GRIN2D: variants seen among roughly 807,000 people sequenced by gnomAD.
The protein encoded by GRIN2D is glutamate receptor ionotropic, NMDA 2D.
Under a neutral mutation model 103.2 loss-of-function variants are expected in GRIN2D, and 37 were observed. The ratio of observed to expected loss-of-function variants is 0.36; its 90% confidence interval spans 0.28 to 0.47. The LOEUF (loss-of-function observed/expected upper bound fraction) is 0.47. Ranked by LOEUF, GRIN2D falls within the 20% of genes least tolerant of loss-of-function variation. The pLI is 1.00. For missense variants in GRIN2D, 1,557 were observed against 1,910.6 expected (o/e 0.81, Z 3.45); for synonymous variants, 845 against 885.6 (o/e 0.95, Z 0.81).
At chr19:48,441,989 G>A (rs1971299894) in intron 12 of GRIN2D, 33 bp downstream of exon 12, 2 of 1,578,542 alleles carry the variant, frequency 1.3e-6, no homozygotes, top group African/African-American at 2.7e-5. Flanking sequence ...CCACAGCGGA[G>A]AGGGGGAGGG....
At chr19:48,416,613 C>T (rs1970951515) in intron 8 of GRIN2D, among the ~76,000 whole-genome samples, 1 of 152,164 alleles carries the variant, frequency 6.6e-6, no homozygotes, top group Admixed American at 6.6e-5. Context: ...TGAGCATCTA[C>T]TATGTGCCAG....
intron 4 of GRIN2D, among the ~76,000 whole-genome samples, chr19:48,408,119 G>A (rs1000933685): frequency 2.0e-5 from 3 of 152,100 alleles, no homozygotes; most frequent in Non-Finnish European, 4.4e-5. Flanking sequence ...CGGATCACAA[G>A]GTCAGGAGAT....
chr19:48,427,007 AT>A (rs756808936), intron 11 of GRIN2D, among the ~76,000 whole-genome samples: 5 of 152,182 alleles, frequency 3.3e-5, no homozygotes, highest in Non-Finnish European at 7.4e-5. Flanking sequence ...ATGCTTAGCT[AT>A]AACAGATACT....
At chr19:48,412,246 G>A (rs761530432) in intron 4 of GRIN2D, among the ~76,000 whole-genome samples, 7 of 151,028 alleles carry the variant, frequency 4.6e-5, no homozygotes, top group Non-Finnish European at 8.9e-5. Context: ...GGAGAATGGC[G>A]TGAACCTGGG....
intron 4 of GRIN2D, among the ~76,000 whole-genome samples, chr19:48,408,333 CAAAA>C (rs35238683): frequency 1.0e-5 from 1 of 95,648 alleles, no homozygotes; most frequent in Non-Finnish European, 2.2e-5. Context: ...GACTCCATCT[CAAAA>C]AAAAAAAAAA....
intron 2 of GRIN2D, among the ~76,000 whole-genome samples, chr19:48,396,945 C>G (rs1487122283): frequency 6.6e-6 from 1 of 152,146 alleles, no homozygotes; most frequent in African/African-American, 2.4e-5. Context: ...CTCCCAGTGC[C>G]CTCCTCCCTC....
rs1376780441 is a variant in GRIN2D, at chr19:48,398,667, A to G, written c.275A>G (p.Asn92Ser). 2 of 1,451,996 alleles carry G rather than the reference A, an allele frequency of 1.4e-6. No homozygotes were observed. Among genetic ancestry groups the G allele is most frequent in the African/African-American group, 1.5e-5 (1 of 67,686 alleles). The allele number at this position is 1,451,996 out of a possible 1,614,324, so 89.9% of individuals were successfully genotyped here. The change falls in exon 3 of 14, where the codon AAC becomes AGC. Residue 92 changes from asparagine to serine, a missense_variant. Asn to Ser is a conservative substitution (Grantham distance 46, BLOSUM62 1). Transcript: ENST00000263269. ...GTGCGGCCCGTGGCGCTGGTGCTCAACGGCTCGGACCCGCGCAGCCTCGTG... is the reference window on the plus strand; with the variant it reads ...GTGCGGCCCGTGGCGCTGGTGCTCAGCGGCTCGGACCCGCGCAGCCTCGTG... ...LDVRPVALVL[N>S]GSDPRSLVLQ...
intron 3 of GRIN2D, among the ~76,000 whole-genome samples, chr19:48,401,573 A>G (rs1046942264): frequency 2.6e-5 from 4 of 152,174 alleles, no homozygotes; most frequent in Non-Finnish European, 4.4e-5. Context: ...GAGGAAGAGC[A>G]AGAAGGGAGT....
Position 48,398,777 on chromosome 19 carries a change from A to G in GRIN2D, c.385A>G (p.Ile129Val), listed in dbSNP as rs1414558517. 3 of 1,461,494 alleles carry G rather than the reference A, an allele frequency of 2.1e-6. No individual in the cohort carries two copies. The highest frequency in any genetic ancestry group is 3.0e-5 in the East Asian group (1 of 33,082). The allele number at this position is 1,461,494 out of a possible 1,614,324, so 90.5% of individuals were successfully genotyped here. The change falls in exon 3 of 14, where the codon ATC becomes GTC. Residue 129 changes from isoleucine (I) to valine (V), a missense_variant. Physicochemically the swap from Ile to Val is conservative, Grantham distance 29. Coordinates refer to ENST00000263269, the MANE Select transcript of GRIN2D (RefSeq NM_000836.4). ...CTCGCGCGCGCCCGCCGTCGCGCCC[A>G]TCCTCGACTTCCTGTCGGCGCAGAC... ...DDSRAPAVAP[I>V]LDFLSAQTSL...
At chr19:48,396,109 G>A (rs1600965482) in intron 2 of GRIN2D, among the ~76,000 whole-genome samples, 1 of 152,124 alleles carries the variant, frequency 6.6e-6, no homozygotes, top group East Asian at 1.9e-4. Flanking sequence ...CAGGAGATGA[G>A]TGTTGGGGAC....
chr19:48,412,655 C>T (rs1485433544), intron 4 of GRIN2D, among the ~76,000 whole-genome samples: 1 of 149,746 alleles, frequency 6.7e-6, no homozygotes, highest in African/African-American at 2.5e-5. Context: ...CGGGCATGGT[C>T]GTGGGCGCCT....
Position 48,421,653 on chromosome 19 carries a change from C to T in GRIN2D, c.2092-132C>T, listed in dbSNP as rs138030001. On this transcript the variant is annotated intron_variant, in intron 10 of 13. Transcript: ENST00000263269. The surrounding 1 kb of genome is among the most constrained non-coding windows in gnomAD (Gnocchi z 4.8). ...GAAAAGCATTCCCTAATGTAGTGAGCGAGTGTTGAGAAATATTGAACACTC... is the reference window on the plus strand; with the variant it reads ...GAAAAGCATTCCCTAATGTAGTGAGTGAGTGTTGAGAAATATTGAACACTC... 1.3e-5 allele frequency: 9 copies of T among 698,852 alleles called. No homozygotes were observed. The highest frequency in any genetic ancestry group is 2.7e-5 in the East Asian group (1 of 37,178). The allele number at this position is 698,852 out of a possible 1,614,324, so 43.3% of individuals were successfully genotyped here.
intron 3 of GRIN2D, 75 bp downstream of exon 3, chr19:48,398,932 A>T: frequency 4.5e-6 from 2 of 441,056 alleles, no homozygotes; most frequent in Non-Finnish European, 5.6e-6. Context: ...TGGGACAGCC[A>T]GCGGGGGCGG....
chr19:48,437,411 C>T (rs1041100947), intron 11 of GRIN2D, among the ~76,000 whole-genome samples: 3 of 152,140 alleles, frequency 2.0e-5, no homozygotes, highest in Admixed American at 2.0e-4. Flanking sequence ...TGAGCCAGGG[C>T]CCCTGGAATG....
At chr19:48,431,519 C>T (rs1971155010) in intron 11 of GRIN2D, among the ~76,000 whole-genome samples, 1 of 151,626 alleles carries the variant, frequency 6.6e-6, no homozygotes, top group African/African-American at 2.4e-5. Context: ...TGTATGTAAC[C>T]TGTTGTTTCT....
intron 11 of GRIN2D, among the ~76,000 whole-genome samples, chr19:48,434,391 C>G (rs1034520818): frequency 6.6e-6 from 1 of 152,232 alleles, no homozygotes; most frequent in South Asian, 2.1e-4. Context: ...GTAGCTGGAA[C>G]TACAGGCACA....
chr19:48,409,664 G>A (rs138227721), intron 4 of GRIN2D, among the ~76,000 whole-genome samples: 135 of 152,320 alleles, frequency 8.9e-4, no homozygotes, highest in African/African-American at 3.0e-3. Flanking sequence ...TGCACTGCTG[G>A]TGTGGCTAGA....
chr19:48,442,510 G>A lies in GRIN2D; in HGVS notation c.2674-90G>A. Reference sequence around the variant, plus strand: ...GGGAAGAGAGCGGGAAACACAGGCGGGTAAATGGAGAGGAGAGAGGGACTG... The same window carrying A: ...GGGAAGAGAGCGGGAAACACAGGCGAGTAAATGGAGAGGAGAGAGGGACTG... On this transcript the variant is annotated intron_variant, in intron 13 of 13. Transcript: ENST00000263269. The surrounding 1 kb of genome is among the most constrained non-coding windows in gnomAD (Gnocchi z 7.2). The A allele has an allele frequency of 1.3e-6, 2 of 1,491,144 alleles. No homozygotes were observed. The highest frequency in any genetic ancestry group is 1.3e-5 in the South Asian group (1 of 77,116). The allele number at this position is 1,491,144 out of a possible 1,614,324, so 92.4% of individuals were successfully genotyped here.
chr19:48,410,032 C>G (rs991543760), intron 4 of GRIN2D, among the ~76,000 whole-genome samples: 1 of 150,180 alleles, frequency 6.7e-6, no homozygotes, highest in Non-Finnish European at 1.5e-5. Flanking sequence ...TGATCTGCCC[C>G]CCTCAGCCTC....
Sources: allele counts gnomAD v4.1 joint callset (sites outside exome capture counted in the v4.1 genomes callset), GRCh38; gene constraint gnomAD v4.1.1; non-coding constraint Gnocchi (gnomAD v3.1); transcripts MANE v1.5; gene names NCBI Gene and HGNC (gene_info 2026-07-23, HGNC 2026-07-21).